MIS18A: variants seen among roughly 807,000 people sequenced by gnomAD.
The protein encoded by MIS18A is protein Mis18-alpha.
MIS18A carries 14 observed loss-of-function variants against 25.0 expected under a neutral mutation model. The ratio of observed to expected loss-of-function variants is 0.56; its 90% CI spans 0.37 to 0.88. MIS18A has a LOEUF of 0.88. Among genes scored for constraint, MIS18A ranks in the 40% least tolerant of loss-of-function variants. The pLI, the probability that MIS18A is intolerant of heterozygous loss-of-function variation, is 0.00. For missense variants in MIS18A, 292 were observed against 290.8 expected, an observed-to-expected ratio of 1.00 and a Z score of -0.03; for synonymous variants, 134 against 118.6, an observed-to-expected ratio of 1.13 and a Z score of -0.84.
chr21:32,271,862 C>T (rs1213069810), intron 2 of MIS18A, among the ~76,000 whole-genome samples: 1 of 152,146 alleles, frequency 6.6e-6, no homozygotes, highest in African/African-American at 2.4e-5. Flanking sequence ...ATTATAAGAC[C>T]GCCTCACACC....
chr21:32,169,315 G>A, the MIS18A span, among the ~76,000 whole-genome samples: 2 of 151,956 alleles, frequency 1.3e-5, no homozygotes, highest in Non-Finnish European at 2.9e-5. Flanking sequence ...CAACTCCCTG[G>A]AAAAGCCCCA....
At position 32,268,984 on chromosome 21, in the gene MIS18A, T is replaced by G. The variant is rs1382194231; in HGVS notation, c.*53A>C. The G allele has an allele frequency of 1.5e-6, 2 of 1,317,754 alleles. No homozygotes were observed. The highest frequency in any genetic ancestry group is 2.1e-6 in the Non-Finnish European group (2 of 948,398). The allele number at this position is 1,317,754 out of a possible 1,614,324, so 81.6% of individuals were successfully genotyped here. ...CGACGTCTCACTATGTTGCTTCATT[T>G]AACAAATAAGGGGAGGAAGGGCGGG... On this transcript the variant is annotated 3_prime_UTR_variant, in exon 5 of 5. Coordinates refer to ENST00000290130, the MANE Select transcript of MIS18A (RefSeq NM_018944.3).
the MIS18A span, among the ~76,000 whole-genome samples, chr21:32,253,830 G>C: frequency 6.6e-6 from 1 of 152,026 alleles, no homozygotes; most frequent in South Asian, 2.1e-4. Context: ...ACATTCAATT[G>C]GTTCATAAAA....
At chr21:32,190,615 T>C in the MIS18A span, among the ~76,000 whole-genome samples, 1 of 152,184 alleles carries the variant, frequency 6.6e-6, no homozygotes. Flanking sequence ...TAAGCTTCCA[T>C]AGCGATGAAG....
the MIS18A span, among the ~76,000 whole-genome samples, chr21:32,156,692 T>C: frequency 6.6e-6 from 1 of 152,174 alleles, no homozygotes; most frequent in Non-Finnish European, 1.5e-5. Flanking sequence ...CATTTTACCT[T>C]TTCTGGAGAA....
the MIS18A span, among the ~76,000 whole-genome samples, chr21:32,213,214 G>A: frequency 1.3e-5 from 2 of 152,090 alleles, no homozygotes; most frequent in African/African-American, 4.8e-5. Context: ...TAACATTACC[G>A]AGATATTCAC....
the MIS18A span, among the ~76,000 whole-genome samples, chr21:32,219,169 A>T: frequency 6.6e-6 from 1 of 152,172 alleles, no homozygotes; most frequent in Non-Finnish European, 1.5e-5. Context: ...TTAAAAATGC[A>T]TTATTCGGGG....
the MIS18A span, among the ~76,000 whole-genome samples, chr21:32,179,876 T>C: frequency 6.6e-6 from 1 of 152,180 alleles, no homozygotes; most frequent in African/African-American, 2.4e-5. Flanking sequence ...AAACTCTGCA[T>C]ACAATGTTCC....
chr21:32,243,416 G>A, the MIS18A span, among the ~76,000 whole-genome samples: 1 of 152,130 alleles, frequency 6.6e-6, no homozygotes, highest in African/African-American at 2.4e-5. Flanking sequence ...TTAAAAAATG[G>A]TCAAAACACT....
the MIS18A span, among the ~76,000 whole-genome samples, chr21:32,195,487 GC>G: frequency 6.6e-6 from 1 of 152,178 alleles, no homozygotes; most frequent in Non-Finnish European, 1.5e-5. Context: ...GCTGGCTGGT[GC>G]CCCATGCTAG....
the MIS18A span, among the ~76,000 whole-genome samples, chr21:32,242,762 G>A: frequency 6.6e-6 from 1 of 152,238 alleles, no homozygotes; most frequent in African/African-American, 2.4e-5. Flanking sequence ...AGCTCCCAGT[G>A]TTGTGGGACT....
At chr21:32,211,333 C>A in the MIS18A span, among the ~76,000 whole-genome samples, 1 of 152,328 alleles carries the variant, frequency 6.6e-6, no homozygotes, top group South Asian at 2.1e-4. Flanking sequence ...GAGCCATCAT[C>A]CCTGACTGGG....
the MIS18A span, among the ~76,000 whole-genome samples, chr21:32,220,292 T>C: frequency 6.6e-6 from 1 of 152,158 alleles, no homozygotes; most frequent in South Asian, 2.1e-4. Context: ...CAAGCAGCAA[T>C]CTTTGCTGTT....
chr21:32,213,379 C>T, the MIS18A span, among the ~76,000 whole-genome samples: 14 of 152,158 alleles, frequency 9.2e-5, no homozygotes, highest in Admixed American at 7.2e-4. Flanking sequence ...GAATTCACTC[C>T]ATGATAATAT....
chr21:32,271,584 T>G (rs2031715154), intron 2 of MIS18A, among the ~76,000 whole-genome samples: 1 of 152,242 alleles, frequency 6.6e-6, no homozygotes, highest in Admixed American at 6.5e-5. Context: ...GATTACATAT[T>G]AAGTGTCTAC....
the MIS18A span, among the ~76,000 whole-genome samples, chr21:32,168,956 G>A: frequency 6.6e-6 from 1 of 152,056 alleles, no homozygotes; most frequent in Non-Finnish European, 1.5e-5. Context: ...CTGGATTGAT[G>A]GGGCCCTCCA....
chr21:32,264,406 C>A (rs2031557429), downstream of MIS18A, among the ~76,000 whole-genome samples: 4 of 152,200 alleles, frequency 2.6e-5, no homozygotes, highest in South Asian at 8.3e-4. Context: ...TATGTATAGA[C>A]TGGCTACAAG....
chr21:32,211,797 C>A, the MIS18A span, among the ~76,000 whole-genome samples: 1 of 152,162 alleles, frequency 6.6e-6, no homozygotes, highest in Non-Finnish European at 1.5e-5. Flanking sequence ...AAGAAAATGA[C>A]CAGAATGCTG....
At chr21:32,157,276 GC>G in the MIS18A span, among the ~76,000 whole-genome samples, 123,366 of 123,394 alleles carry the variant, frequency 1, 61,669 homozygotes, top group Middle Eastern at 1. Flanking sequence ...CATCATCTTG[GC>G]CCAGGCTGAT....
Sources: allele counts gnomAD v4.1 joint callset (sites outside exome capture counted in the v4.1 genomes callset), GRCh38; gene constraint gnomAD v4.1.1; transcripts MANE v1.5; gene names NCBI Gene and HGNC (gene_info 2026-07-23, HGNC 2026-07-21).